CORIN: variants seen among roughly 807,000 people sequenced by gnomAD.
CORIN encodes corin, serine peptidase.
CORIN carries 117 observed loss-of-function variants against 125.3 expected under a neutral mutation model. The ratio of observed to expected loss-of-function variants is 0.93; its 90% CI spans 0.80 to 1.09. The LOEUF (loss-of-function observed/expected upper bound fraction) is 1.09. CORIN is among the 50% of genes least tolerant of loss of function. CORIN has a pLI of 0.00. For synonymous variants in CORIN, 450 were observed against 466.4 expected (o/e 0.96, Z 0.45); for missense variants, 1,253 against 1,306.7 (o/e 0.96, Z 0.63).
At chr4:47,818,454 A>G (rs1403155029) in intron 1 of CORIN, among the ~76,000 whole-genome samples, 3 of 152,244 alleles carry the variant, frequency 2.0e-5, no homozygotes, top group Non-Finnish European at 4.4e-5. Flanking sequence ...ACAAGTTCTC[A>G]GAAAACAAAT....
chr4:47,683,424 T>A, intron 7 of CORIN: 1 of 227,158 alleles, frequency 4.4e-6, no homozygotes, highest in Non-Finnish European at 8.7e-6. Flanking sequence ...CCACTGGCTC[T>A]AACCAGAGGA....
At chr4:47,815,033 C>T (rs567887661) in intron 1 of CORIN, among the ~76,000 whole-genome samples, 1 of 152,222 alleles carries the variant, frequency 6.6e-6, no homozygotes, top group South Asian at 2.1e-4. Flanking sequence ...ATTAGTGTTT[C>T]TGTTTTGAGG....
chr4:47,737,998 A>G (rs1475815911), intron 5 of CORIN, among the ~76,000 whole-genome samples: 1 of 122,864 alleles, frequency 8.1e-6, no homozygotes, highest in East Asian at 3.7e-4. Context: ...GGTGTTTCTA[A>G]AAAAAAAAAT....
intron 19 of CORIN, among the ~76,000 whole-genome samples, chr4:47,622,278 C>T (rs1437504794): frequency 2.0e-5 from 3 of 151,308 alleles, no homozygotes; most frequent in Non-Finnish European, 4.4e-5. Flanking sequence ...GTTCCAAGTC[C>T]TTGCTATTGT....
intron 10 of CORIN, among the ~76,000 whole-genome samples, chr4:47,668,618 A>T (rs908677818): frequency 6.6e-6 from 1 of 151,982 alleles, no homozygotes; most frequent in Admixed American, 6.6e-5. Context: ...CCTTGTGCAT[A>T]CCCTCCGTTT....
chr4:47,738,462 A>T (rs1366879551), intron 5 of CORIN, among the ~76,000 whole-genome samples: 9 of 152,224 alleles, frequency 5.9e-5, no homozygotes, highest in Admixed American at 1.3e-4. Context: ...TATCTGGGCA[A>T]AAACTTCAGT....
At chr4:47,752,525 T>C (rs1199989195) in intron 4 of CORIN, among the ~76,000 whole-genome samples, 1 of 152,144 alleles carries the variant, frequency 6.6e-6, no homozygotes, top group Non-Finnish European at 1.5e-5. Context: ...AGAGGTGCCC[T>C]CCACTTCAGG....
intron 2 of CORIN, among the ~76,000 whole-genome samples, chr4:47,797,200 A>G (rs1731333382): frequency 6.7e-6 from 1 of 148,586 alleles, no homozygotes. Context: ...ATGATGATGT[A>G]TATTTATAAT....
intron 13 of CORIN, among the ~76,000 whole-genome samples, chr4:47,648,337 CAA>C (rs1004096608): frequency 1.3e-5 from 2 of 152,074 alleles, no homozygotes; most frequent in Admixed American, 6.6e-5. Flanking sequence ...TACAGTGTTC[CAA>C]AAAAGTCACC....
At position 47,683,831 on chromosome 4, in the gene CORIN, G is replaced by A. The variant is rs1197392756; in HGVS notation, c.921C>T (p.Ser307=). The A allele has an allele frequency of 5.0e-6, 8 of 1,609,808 alleles. No homozygotes were observed. The highest frequency in any genetic ancestry group is 4.0e-5 in the African/African-American group (3 of 74,734). Reference sequence around the variant, plus strand: ...CTGTGTGACAGTGAAACAGATTCTCGCTGCAGTCTGCAAATAAAAGAAGCC... The same window carrying A: ...CTGTGTGACAGTGAAACAGATTCTCACTGCAGTCTGCAAATAAAAGAAGCC... The part of the protein sequence containing the change: ...DWSDEAHCNC[S]ENLFHCHTGK... Residue 307 remains serine, a synonymous_variant, in exon 7 of 22, where the codon AGC becomes AGT. Coordinates refer to ENST00000273857, the MANE Select transcript of CORIN (RefSeq NM_006587.4).
At chr4:47,820,281 AG>A (rs145561269) in intron 1 of CORIN, among the ~76,000 whole-genome samples, 1 of 151,866 alleles carries the variant, frequency 6.6e-6, no homozygotes, top group South Asian at 2.1e-4. Flanking sequence ...AATGAGGGTG[AG>A]GGGAGAAATT....
At chr4:47,599,840 C>T (rs1018606641) in intron 21 of CORIN, among the ~76,000 whole-genome samples, 1 of 152,152 alleles carries the variant, frequency 6.6e-6, no homozygotes, top group Non-Finnish European at 1.5e-5. Flanking sequence ...TCATGCCTTC[C>T]CTGCTTCCCC....
intron 5 of CORIN, among the ~76,000 whole-genome samples, chr4:47,738,696 G>GA (rs1304390281): frequency 6.6e-6 from 1 of 152,010 alleles, no homozygotes; most frequent in African/African-American, 2.4e-5. Flanking sequence ...TATAGAGGGG[G>GA]AAAAAACAGT....
intron 7 of CORIN, chr4:47,683,491 A>G (rs1725377431): frequency 2.6e-6 from 1 of 386,132 alleles, no homozygotes; most frequent in Admixed American, 4.4e-5. Flanking sequence ...AACAACCTTT[A>G]CCAGTCTTCC....
intron 4 of CORIN, among the ~76,000 whole-genome samples, chr4:47,761,310 C>G (rs181538732): frequency 6.6e-6 from 1 of 152,184 alleles, no homozygotes; most frequent in Non-Finnish European, 1.5e-5. Context: ...CTTCCCTTCA[C>G]CTGAATACTT....
At chr4:47,621,575 A>G (rs980757663) in intron 19 of CORIN, among the ~76,000 whole-genome samples, 1 of 152,202 alleles carries the variant, frequency 6.6e-6, no homozygotes, top group Non-Finnish European at 1.5e-5. Context: ...TTACATAGCA[A>G]CAGATAGCTG....
chr4:47,774,805 G>T (rs1193470954), intron 3 of CORIN, among the ~76,000 whole-genome samples: 1 of 152,094 alleles, frequency 6.6e-6, no homozygotes, highest in African/African-American at 2.4e-5. Context: ...CATATGATAT[G>T]GTATGCATGA....
chr4:47,770,653 A>G (rs1002308929), intron 3 of CORIN, among the ~76,000 whole-genome samples: 2 of 152,224 alleles, frequency 1.3e-5, no homozygotes, highest in African/African-American at 4.8e-5. Context: ...GAATGGATAA[A>G]GAACATGTAG....
chr4:47,790,148 T>C (rs1407341041), intron 2 of CORIN: 17 of 898,994 alleles, frequency 1.9e-5, no homozygotes, highest in Non-Finnish European at 2.1e-5. Context: ...CAGGTTTAAA[T>C]CCCATCTCTA....
Sources: allele counts gnomAD v4.1 joint callset (sites outside exome capture counted in the v4.1 genomes callset), GRCh38; gene constraint gnomAD v4.1.1; transcripts MANE v1.5; gene names NCBI Gene and HGNC (gene_info 2026-07-23, HGNC 2026-07-21).